UBR4: variants seen among roughly 807,000 people sequenced by gnomAD.
UBR4 encodes ubiquitin protein ligase E3 component n-recognin 4.
UBR4 carries 124 observed loss-of-function variants against 575.6 expected under a neutral mutation model. The observed-to-expected ratio is 0.22, with a 90% CI of 0.19 to 0.25. The LOEUF (loss-of-function observed/expected upper bound fraction) is 0.25. Ranked by LOEUF, UBR4 falls within the 10% of genes least tolerant of loss-of-function variation. UBR4 has a pLI of 1.00. For missense variants in UBR4, 4,818 were observed against 6,478.8 expected, an observed-to-expected ratio of 0.74 and a Z score of 8.80; for synonymous variants, 2,455 against 2,473.7, an observed-to-expected ratio of 0.99 and a Z score of 0.22.
chr1:19,132,727 A>G (rs971031078), intron 60 of UBR4, among the ~76,000 whole-genome samples: 9 of 151,838 alleles, frequency 5.9e-5, no homozygotes, highest in African/African-American at 1.4e-4. Context: ...AAAGTTGATA[A>G]CCCCTAGAGC....
chr1:19,168,145 A>T lies in UBR4; in HGVS notation c.3781T>A (p.Tyr1261Asn). 6.2e-7 allele frequency: 1 copy of T among 1,603,312 alleles called. No individual in the cohort carries two copies. Among genetic ancestry groups the T allele is most frequent in the Non-Finnish European group, 8.5e-7 (1 of 1,172,444 alleles). Residue 1261 changes from tyrosine (Y) to asparagine (N), a missense_variant, in exon 28 of 106, where the codon TAT (tyrosine) becomes AAT (asparagine). Tyr to Asn is a moderately radical substitution (Grantham distance 143). Coordinates refer to ENST00000375254, the MANE Select transcript of UBR4 (RefSeq NM_020765.3). ...FANDTIPSESYISAVQAAHLG... is the reference protein window; with the variant it reads ...FANDTIPSESNISAVQAAHLG... ...TGTGCAGCCTGCACTGCACTAATATAACTCTCTGAAGGGATGGTGTCATTG... is the reference window on the plus strand; with the variant it reads ...TGTGCAGCCTGCACTGCACTAATATTACTCTCTGAAGGGATGGTGTCATTG...
intron 8 of UBR4, among the ~76,000 whole-genome samples, chr1:19,195,266 A>AAATAAT (rs56018841): frequency 0.59 from 84,946 of 143,086 alleles, 25,831 homozygotes; most frequent in Middle Eastern, 0.72. Context: ...CTCCATCTCA[A>AAATAAT]AATAATAATA....
rs2090294893 is a variant in UBR4 at position 19,176,653 on chromosome 1, G to A, written c.2712C>T (p.Thr904=). The change falls in exon 20 of 106, where the codon ACC becomes ACT. Residue 904 remains threonine (T), a synonymous_variant. Transcript: ENST00000375254. ...CTTTGAATCCATGATAGAGAGGAGT[G>A]GTTGCCCGGCGGCTGTTGCTGTCCT... is the stretch of plus-strand genomic sequence containing the variant. ...GSQDSNSRRA[T]TPLYHGFKEV... is the part of the protein sequence containing the mutation. 6 of 1,614,042 alleles carry A rather than the reference G, an allele frequency of 3.7e-6. No homozygotes were observed. Among genetic ancestry groups the A allele is most frequent in the Non-Finnish European group, 4.2e-6 (5 of 1,179,988 alleles).
Position 19,112,651 on chromosome 1 carries a change from T to G in UBR4, c.11674A>C (p.Thr3892Pro). The G allele has an allele frequency of 6.2e-7, 1 of 1,614,244 alleles. No individual in the cohort carries two copies. Among genetic ancestry groups the G allele is most frequent in the Non-Finnish European group, 8.5e-7 (1 of 1,180,050 alleles). Residue 3892 changes from threonine to proline, a missense_variant, in exon 78 of 106, where the codon ACC becomes CCC. By Grantham distance (38) the Thr-to-Pro change is conservative. Coordinates refer to ENST00000375254, the MANE Select transcript of UBR4 (RefSeq NM_020765.3). ...AGGATGTGCCTCAAGGCTGGGTTGG[T>G]GGCCAGGGCCCGAAGTAGTGTGATA... ...HCITLLRALA[T>P]NPALRHILVS...
Position 19,174,312 on chromosome 1 carries a change from G to T in UBR4, c.2982+7C>A, listed in dbSNP as rs1337961917. 1.2e-6 allele frequency: 2 copies of T among 1,609,128 alleles called. No homozygotes were observed. The highest frequency in any genetic ancestry group is 1.7e-5 in the Admixed American group (1 of 58,926). ...CCCAAAGACTTCTCAGGGTTCCATG[G>T]TCTTACCAAGGCTGTTACATTCTTG... On this transcript the variant is annotated splice_region_variant and intron_variant, in intron 22 of 105. Transcript: ENST00000375254.
In UBR4 at chr1:19,084,663, C is replaced by T. The variant is rs1191828028; in HGVS notation, c.14849G>A (p.Arg4950Gln). 1.3e-5 allele frequency: 21 copies of T among 1,613,804 alleles called. No homozygotes were observed. Among genetic ancestry groups the T allele is most frequent in the Non-Finnish European group, 1.8e-5 (21 of 1,179,856 alleles). ...NTYLQECTGQ[R>Q]EPTYQLNIHD... ...GATGTTGAGCTGATACGTGGGCTCC[C>T]GCTGGCCTGTACATTCCTGGAGGTA... The change falls in exon 102 of 106, where the codon CGG (arginine) becomes CAG (glutamine). Residue 4950 changes from arginine (R) to glutamine (Q), a missense_variant. Arg to Gln is a conservative substitution (Grantham distance 43). Transcript: ENST00000375254.
Position 19,074,884 on chromosome 1 carries a change from T to G in UBR4, c.15500A>C (p.Glu5167Ala). 1 of 1,614,058 alleles carries G rather than the reference T, an allele frequency of 6.2e-7. No homozygotes were observed. Among genetic ancestry groups the G allele is most frequent in the Non-Finnish European group, 8.5e-7 (1 of 1,179,982 alleles). Residue 5167 changes from glutamate to alanine, a missense_variant, in exon 106 of 106, where the codon GAA becomes GCA. Glu to Ala is a moderately radical substitution (Grantham distance 107). Transcript: ENST00000375254. ...CAGGAAGCTCTCTGGATCGGTGATT[T>G]CTGATAAAAGACCTGCAAAGCACAA... Reference protein sequence around the residue: ...EFLDVAGLLSEITDPESFLKD... With the variant: ...EFLDVAGLLSAITDPESFLKD...
At chr1:19,123,462 A>AAC (rs1553163677) in intron 65 of UBR4, among the ~76,000 whole-genome samples, 13 of 151,578 alleles carry the variant, frequency 8.6e-5, no homozygotes, top group Non-Finnish European at 1.8e-4. Flanking sequence ...AAAAAAAAAA[A>AAC]AAAAAACAAA....
chr1:19,138,683 C>A (rs1235814966), intron 59 of UBR4, among the ~76,000 whole-genome samples: 1 of 152,034 alleles, frequency 6.6e-6, no homozygotes, highest in Non-Finnish European at 1.5e-5. Flanking sequence ...AAAAAAAAAC[C>A]CTTCCCCAAA....
At chr1:19,129,510 C>T (rs1370119414) in intron 60 of UBR4, among the ~76,000 whole-genome samples, 1 of 152,226 alleles carries the variant, frequency 6.6e-6, no homozygotes, top group Admixed American at 6.5e-5. Flanking sequence ...CCCAGCTGCA[C>T]AGTGACCCAG....
chr1:19,128,140 A>T, intron 62 of UBR4, 71 bp downstream of exon 62: 1 of 1,450,780 alleles, frequency 6.9e-7, no homozygotes, highest in South Asian at 1.1e-5. Flanking sequence ...TTCCTCTATG[A>T]AACGAATGGG....
rs746608063 is a variant in UBR4 at position 19,127,677 on chromosome 1, G to A, written c.9174C>T (p.Leu3058=). 5 of 1,614,004 alleles carry A rather than the reference G, an allele frequency of 3.1e-6. No individual in the cohort carries two copies. The highest frequency in any genetic ancestry group is 2.2e-5 in the East Asian group (1 of 44,896). Residue 3058 remains leucine, a synonymous_variant, in exon 63 of 106, where the codon CTC becomes CTT. Transcript: ENST00000375254. ...TGGTGCGGGACATGAAGACACTCAGGAGTCTCATTACTACCAGATGGACTT... is the reference window on the plus strand; with the variant it reads ...TGGTGCGGGACATGAAGACACTCAGAAGTCTCATTACTACCAGATGGACTT... ...LNEVHLVVMR[L]LSVFMSRTKS...
Position 19,105,747 on chromosome 1 carries a change from C to T in UBR4, c.12489G>A (p.Leu4163=), listed in dbSNP as rs2079121011. 2.5e-6 allele frequency: 4 copies of T among 1,606,630 alleles called. No homozygotes were observed. The East Asian group carries it at 9.0e-5, about 36-fold the overall frequency. Residue 4163 remains leucine, a synonymous_variant, in exon 84 of 106, where the codon CTG becomes CTA. Coordinates refer to ENST00000375254, the MANE Select transcript of UBR4 (RefSeq NM_020765.3). Reference sequence around the variant, plus strand: ...CCAAATGGTACCTGGTAAGCAGGTCCAGGACCTGCTGCTTGCGGCTGGGAA... The same window carrying T: ...CCAAATGGTACCTGGTAAGCAGGTCTAGGACCTGCTGCTTGCGGCTGGGAA... The part of the protein sequence containing the change: ...ATIPSRKQQV[L]DLLTSYLDEL...
Position 19,174,419 on chromosome 1 carries a change from A to C in UBR4, c.2882T>G (p.Val961Gly). Residue 961 changes from valine to glycine, a missense_variant, in exon 22 of 106, where the codon GTC (valine) becomes GGC (glycine). Physicochemically the swap from Val to Gly is moderately radical, Grantham distance 109 (BLOSUM62 -3). Transcript: ENST00000375254. ...TGCAGCATAAAGCTCATCATACTTG[A>C]CAAGCTTGGAGAAAAGGACGTCACA... ...VACDVLFSKL[V>G]KYDELYAALT... 4 of 1,611,678 alleles carry C rather than the reference A, an allele frequency of 2.5e-6. No individual in the cohort carries two copies. The highest frequency in any genetic ancestry group is 3.4e-6 in the Non-Finnish European group (4 of 1,179,918).
In UBR4 at chr1:19,139,500, T is replaced by G. The variant is rs987291485; in HGVS notation, c.8594-280A>C. 6.6e-6 allele frequency among the ~76,000 whole-genome samples: 1 copy of G among 152,162 alleles called. No homozygotes were observed. The highest frequency in any genetic ancestry group is 1.5e-5 in the Non-Finnish European group (1 of 68,022). ...TGGGTATTTCCTTCACTGTTTTACATTACAGTGCAAGTAGAACAGTGCAGA... is the reference window on the plus strand; with the variant it reads ...TGGGTATTTCCTTCACTGTTTTACAGTACAGTGCAAGTAGAACAGTGCAGA... On this transcript the variant is annotated intron_variant, in intron 58 of 105. Coordinates refer to ENST00000375254, the MANE Select transcript of UBR4 (RefSeq NM_020765.3). The surrounding 1 kb of genome is among the most constrained non-coding windows in gnomAD (Gnocchi z 4.2).
rs1042247634 is a variant in UBR4, at chr1:19,122,863, G to A, written c.9786C>T (p.Ser3262=). ...RASVVTASSG[S]ALQYDTLISL... is the part of the protein sequence containing the mutation. Reference sequence around the variant, plus strand: ...TGATGAGTGTGTCATATTGCAAGGCGGAGCCTGAGCTGGCTGTAACCACAC... The same window carrying A: ...TGATGAGTGTGTCATATTGCAAGGCAGAGCCTGAGCTGGCTGTAACCACAC... Residue 3262 remains serine, a synonymous_variant, in exon 66 of 106, where the codon TCC becomes TCT. Transcript: ENST00000375254. 2.2e-5 allele frequency: 36 copies of A among 1,614,222 alleles called. No homozygotes were observed. Among genetic ancestry groups the A allele is most frequent in the Non-Finnish European group, 2.7e-5 (32 of 1,180,048 alleles).
chr1:19,092,983 T>C, intron 96 of UBR4, 65 bp from the exon 97 acceptor site: 5 of 1,446,090 alleles, frequency 3.5e-6, no homozygotes, highest in Non-Finnish European at 3.8e-6. Flanking sequence ...AACCAGTTGT[T>C]GACTCTGGCT....
intron 64 of UBR4, 21 bp from the exon 65 acceptor site, chr1:19,124,711 T>C (rs2081536485): frequency 1.2e-6 from 2 of 1,602,582 alleles, no homozygotes; most frequent in Non-Finnish European, 1.7e-6. Context: ...AAAATTTGCA[T>C]GAGAACCTGT....
chr1:19,162,781 G>A (rs10799715), intron 34 of UBR4, among the ~76,000 whole-genome samples, 170 bp from the exon 35 acceptor site: 67,007 of 152,024 alleles, frequency 0.44, 15,260 homozygotes, highest in East Asian at 0.76. Context: ...CCGTCCCCAC[G>A]TAGCTGGTCA....
Sources: gnomAD v4.1 joint callset for allele counts (sites outside exome capture counted in the v4.1 genomes callset) on GRCh38, gnomAD v4.1.1 for gene constraint, Gnocchi (gnomAD v3.1) non-coding constraint, MANE v1.5 for transcripts, NCBI Gene and HGNC (gene_info 2026-07-23, HGNC 2026-07-21) for gene names.